The following ZNF638 variants were observed in gnomAD, a reference collection of about 807,000 sequenced individuals.
The protein encoded by ZNF638 is zinc finger protein 638.
Under a neutral mutation model 195.6 loss-of-function variants are expected in ZNF638, and 46 were observed. The observed-to-expected ratio is 0.24, with a 90% CI of 0.19 to 0.30. The LOEUF (loss-of-function observed/expected upper bound fraction) is 0.30. Among genes scored for constraint, ZNF638 ranks in the 10% least tolerant of loss-of-function variants. The pLI, the probability that ZNF638 is intolerant of heterozygous loss-of-function variation, is 1.00. For missense variants in ZNF638, 2,440 were observed against 2,325.3 expected, an observed-to-expected ratio of 1.05 and a Z score of -1.01; for synonymous variants, 845 against 772.0, an observed-to-expected ratio of 1.09 and a Z score of -1.57.
At chr2:71,376,161 G>A (rs1490251123) in intron 8 of ZNF638, 2 of 152,196 alleles carry the variant, frequency 1.3e-5, no homozygotes, top group African/African-American at 4.8e-5. Context: ...GATTTTCATA[G>A]CAATGAATAG....
intron 8 of ZNF638, among the ~76,000 whole-genome samples, chr2:71,370,702 T>G (rs1183139524): frequency 6.6e-6 from 1 of 152,158 alleles, no homozygotes; most frequent in African/African-American, 2.4e-5. Flanking sequence ...TTAATTTTTG[T>G]GGGTACATAG....
Position 71,434,910 on chromosome 2 carries a change from T to C in ZNF638, c.*103T>C, listed in dbSNP as rs944333549. On this transcript the variant is annotated 3_prime_UTR_variant, in exon 28 of 28. Coordinates refer to ENST00000264447, the MANE Select transcript of ZNF638 (RefSeq NM_014497.5). ...GTAATTTTCGTTTCAGAAGCAAATATTCGTGTTGTACAAATTTCTGATTGC... is the reference window on the plus strand; with the variant it reads ...GTAATTTTCGTTTCAGAAGCAAATACTCGTGTTGTACAAATTTCTGATTGC... 4 of 1,009,300 alleles carry C rather than the reference T, an allele frequency of 4.0e-6. No homozygotes were observed. The African/African-American group carries it at 4.9e-5, about 12-fold the overall frequency. The allele number at this position is 1,009,300 out of a possible 1,614,324, so 62.5% of individuals were successfully genotyped here. A position where few individuals can be genotyped will look rare whatever the true frequency, so the allele number is the denominator to read the frequency against.
At chr2:71,393,691 C>T in intron 10 of ZNF638, 2 of 702,922 alleles carry the variant, frequency 2.8e-6, no homozygotes, top group East Asian at 2.7e-5. Context: ...CTCGCTTCCC[C>T]TGCAACCCGT....
chr2:71,358,536 G>A (rs1573043961), intron 3 of ZNF638, among the ~76,000 whole-genome samples: 1 of 152,106 alleles, frequency 6.6e-6, no homozygotes, highest in African/African-American at 2.4e-5. Flanking sequence ...GCATCCTCTG[G>A]GTCAGTTTCC....
intron 10 of ZNF638, among the ~76,000 whole-genome samples, chr2:71,392,511 G>A (rs545105539): frequency 2.6e-5 from 4 of 152,186 alleles, no homozygotes; most frequent in Non-Finnish European, 4.4e-5. Context: ...GTCCACTCTC[G>A]AGCCTACCCT....
intron 1 of ZNF638, among the ~76,000 whole-genome samples, chr2:71,336,500 T>C (rs914445098): frequency 6.6e-6 from 1 of 151,928 alleles, no homozygotes; most frequent in African/African-American, 2.4e-5. Context: ...ATGTCTAATA[T>C]AATTTTCAAA....
rs1476068823 is a variant in ZNF638, at chr2:71,349,174, A to C, written c.220A>C (p.Thr74Pro). The C allele has an allele frequency of 6.2e-7, 1 of 1,614,050 alleles. No individual in the cohort carries two copies. Among genetic ancestry groups the C allele is most frequent in the South Asian group, 1.1e-5 (1 of 91,078 alleles). ...GCCACAGAGAATGAATGTTCAGGTAACTCAACACAGAACTGATCCAAGATT... is the reference window on the plus strand; with the variant it reads ...GCCACAGAGAATGAATGTTCAGGTACCTCAACACAGAACTGATCCAAGATT... ...MGPQRMNVQVTQHRTDPRLTK... is the reference protein window; with the variant it reads ...MGPQRMNVQVPQHRTDPRLTK... The change falls in exon 2 of 28, where the codon ACT (threonine) becomes CCT (proline). Residue 74 changes from threonine (T) to proline (P), a missense_variant. Coordinates refer to ENST00000264447, the MANE Select transcript of ZNF638 (RefSeq NM_014497.5).
intron 1 of ZNF638, among the ~76,000 whole-genome samples, chr2:71,337,212 A>G (rs2078686033): frequency 6.6e-6 from 1 of 150,992 alleles, no homozygotes; most frequent in South Asian, 2.1e-4. Context: ...ATGTTGTGCC[A>G]TTAACTATAT....
intron 17 of ZNF638, among the ~76,000 whole-genome samples, chr2:71,404,633 C>T (rs558049494): frequency 1.3e-5 from 2 of 152,274 alleles, no homozygotes; most frequent in Admixed American, 6.5e-5. Flanking sequence ...AGGAGGATCC[C>T]TTGAGCCTAG....
intron 10 of ZNF638, chr2:71,388,461 C>G: frequency 1.5e-6 from 1 of 689,318 alleles, no homozygotes; most frequent in Non-Finnish European, 2.7e-6. Context: ...ATTGTGTTGG[C>G]TCCAGGCCTT....
chr2:71,392,342 G>A (rs2079799027), intron 10 of ZNF638, among the ~76,000 whole-genome samples: 1 of 152,164 alleles, frequency 6.6e-6, no homozygotes, highest in South Asian at 2.1e-4. Flanking sequence ...CTATTTGGTG[G>A]AAACCACATA....
chr2:71,339,908 T>C (rs2078736003), intron 1 of ZNF638, among the ~76,000 whole-genome samples: 1 of 152,176 alleles, frequency 6.6e-6, no homozygotes, highest in Admixed American at 6.5e-5. Context: ...TTACAATAAA[T>C]ACAATGTTGT....
chr2:71,347,534 G>C (rs1306422218), intron 1 of ZNF638, among the ~76,000 whole-genome samples: 1 of 152,178 alleles, frequency 6.6e-6, no homozygotes, highest in Non-Finnish European at 1.5e-5. Context: ...TGATGTTGAT[G>C]TTTATAACAA....
chr2:71,362,442 G>GT (rs2079125723), intron 3 of ZNF638, among the ~76,000 whole-genome samples: 1 of 151,906 alleles, frequency 6.6e-6, no homozygotes, highest in Non-Finnish European at 1.5e-5. Flanking sequence ...AGTTCCCATT[G>GT]TTTTTTTCCT....
intron 20 of ZNF638, 103 bp from the exon 21 acceptor site, chr2:71,418,498 GT>G (rs72207075): frequency 0.011 from 6,735 of 625,812 alleles, no homozygotes; most frequent in South Asian, 0.018. Flanking sequence ...CATTTTTAAG[GT>G]TTTTTTTTTT....
chr2:71,400,581 C>A (rs1441938046), intron 15 of ZNF638, 63 bp downstream of exon 15: 2 of 1,404,754 alleles, frequency 1.4e-6, no homozygotes, highest in Middle Eastern at 1.9e-4. Context: ...AGATATTTTT[C>A]TTATAAACCC....
chr2:71,428,699 G>A (rs913536664), intron 25 of ZNF638, 48 bp downstream of exon 25: 2 of 1,489,988 alleles, frequency 1.3e-6, no homozygotes, highest in Admixed American at 1.9e-5. Context: ...CAACACAGGA[G>A]AGTAGTTGAA....
chr2:71,353,689 A>G (rs940422787), intron 2 of ZNF638, among the ~76,000 whole-genome samples: 4 of 152,330 alleles, frequency 2.6e-5, no homozygotes, highest in African/African-American at 4.8e-5. Flanking sequence ...TGCTGTAAGA[A>G]TGATATCCTG....
chr2:71,396,038 T>TG (rs1223311126), intron 10 of ZNF638, 103 bp from the exon 11 acceptor site: 1 of 1,053,540 alleles, frequency 9.5e-7, no homozygotes, highest in Non-Finnish European at 1.4e-6. Flanking sequence ...ATAGGGCTGT[T>TG]TCTTGCAGGG....
Sources: gnomAD v4.1 joint callset for allele counts (sites outside exome capture counted in the v4.1 genomes callset) on GRCh38, gnomAD v4.1.1 for gene constraint, MANE v1.5 for transcripts, NCBI Gene and HGNC (gene_info 2026-07-23, HGNC 2026-07-21) for gene names.